DCAF1: variants seen among roughly 807,000 people sequenced by gnomAD.
The protein encoded by DCAF1 is DDB1- and CUL4-associated factor 1.
In DCAF1, 15 loss-of-function variants were observed where a neutral mutation model predicts 128.0. That is an observed-to-expected ratio of 0.12 (90% CI 0.08 to 0.18). The LOEUF (loss-of-function observed/expected upper bound fraction) is 0.18, where lower values mean the gene tolerates loss of function less well. Among genes scored for constraint, DCAF1 ranks in the 10% least tolerant of loss-of-function variants. DCAF1 has a pLI of 1.00. For synonymous variants in DCAF1, 610 were observed against 603.0 expected, an observed-to-expected ratio of 1.01 and a Z score of -0.17; for missense variants, 988 against 1,649.5, an observed-to-expected ratio of 0.60 and a Z score of 6.95.
intron 17 of DCAF1, 54 bp downstream of exon 17, chr3:51,418,062 G>C (rs1215872331): frequency 6.4e-7 from 1 of 1,558,486 alleles, no homozygotes; most frequent in Non-Finnish European, 8.7e-7. Flanking sequence ...AAATGAAGGG[G>C]GGTATAAACT....
At chr3:51,483,226 G>A (rs1424574901) in intron 3 of DCAF1, among the ~76,000 whole-genome samples, 1 of 148,534 alleles carries the variant, frequency 6.7e-6, no homozygotes, top group Non-Finnish European at 1.5e-5. Context: ...ATCACCTAAG[G>A]TAAGGAGTTC....
intron 23 of DCAF1, among the ~76,000 whole-genome samples, chr3:51,411,741 TTC>T (rs1698435179): frequency 6.6e-6 from 1 of 152,256 alleles, no homozygotes; most frequent in Non-Finnish European, 1.5e-5. Flanking sequence ...AAAGTGATTG[TTC>T]TGTTTTTTAT....
intron 6 of DCAF1, among the ~76,000 whole-genome samples, chr3:51,459,448 A>G (rs1453541812): frequency 9.9e-5 from 15 of 152,202 alleles, no homozygotes; most frequent in Non-Finnish European, 1.9e-4. Flanking sequence ...CCAGGACCAG[A>G]TGGATTCACA....
At position 51,441,815 on chromosome 3, in the gene DCAF1, C is replaced by T. The variant is rs782390664; in HGVS notation, c.596G>A (p.Arg199Gln). The part of the protein sequence containing the change: ...LRQENKRPSP[R>Q]KLSSEPLLPL... ...CAAAAGGGGTTCAGAAGAGAGCTTC[C>T]GTGGACTGGGACGCTTGTTTTCCTG... Residue 199 changes from arginine (R) to glutamine (Q), a missense_variant, in exon 8 of 25, where the codon CGG (arginine) becomes CAG (glutamine). Arg to Gln is a conservative substitution (Grantham distance 43, BLOSUM62 1). This residue lies in a region of DCAF1 where 210 missense variants were observed against 260.2 expected (regional missense o/e 0.81). Transcript: ENST00000684031. 6.8e-6 allele frequency: 11 copies of T among 1,613,698 alleles called. No individual in the cohort carries two copies. The highest frequency in any genetic ancestry group is 3.3e-5 in the South Asian group (3 of 91,076).
intron 2 of DCAF1, among the ~76,000 whole-genome samples, chr3:51,490,009 A>G (rs782315197): frequency 2.0e-5 from 3 of 152,216 alleles, no homozygotes; most frequent in Non-Finnish European, 4.4e-5. Flanking sequence ...ACACACAAAA[A>G]TCAGTTGTAC....
chr3:51,426,035 T>C (rs782056072), intron 13 of DCAF1, among the ~76,000 whole-genome samples: 1 of 152,192 alleles, frequency 6.6e-6, no homozygotes, highest in African/African-American at 2.4e-5. Context: ...CACTTTCCTT[T>C]TGCACTCTCA....
At chr3:51,490,511 T>C (rs1479541885) in intron 2 of DCAF1, among the ~76,000 whole-genome samples, 1 of 152,218 alleles carries the variant, frequency 6.6e-6, no homozygotes, top group East Asian at 1.9e-4. Context: ...CATGATGACC[T>C]AAATTTTAAA....
In DCAF1 at chr3:51,441,116, T is replaced by C. The variant is rs1365161277; in HGVS notation, c.1027-45A>G. On this transcript the variant is annotated intron_variant, in intron 8 of 24. Coordinates refer to ENST00000684031, the MANE Select transcript of DCAF1 (RefSeq NM_001387579.1). ...CAAGTCTTAAATTTTGGCTTTATTG[T>C]CATGTATTTCCTATTCCACTCTTTG... 6 of 1,513,420 alleles carry C rather than the reference T, an allele frequency of 4.0e-6. No homozygotes were observed. The African/African-American group carries it at 8.3e-5, about 21-fold the overall frequency. The allele number at this position is 1,513,420 out of a possible 1,614,324, so 93.7% of individuals were successfully genotyped here.
intron 13 of DCAF1, among the ~76,000 whole-genome samples, chr3:51,425,096 A>G (rs1382588400): frequency 6.6e-6 from 1 of 152,216 alleles, no homozygotes; most frequent in Non-Finnish European, 1.5e-5. Flanking sequence ...TCTTTAAAAG[A>G]TTCTGCATAT....
chr3:51,409,470 G>A (rs1698203444), intron 23 of DCAF1, among the ~76,000 whole-genome samples: 1 of 152,068 alleles, frequency 6.6e-6, no homozygotes, highest in South Asian at 2.1e-4. Context: ...GAAGACTGCC[G>A]CCCACTGCCT....
At position 51,461,740 on chromosome 3, in the gene DCAF1, T is replaced by G. The variant is rs528610761; in HGVS notation, c.375+1374A>C. 5.3e-5 allele frequency among the ~76,000 whole-genome samples: 8 copies of G among 152,122 alleles called. No homozygotes were observed. The South Asian group carries it at 1.7e-3, about 32-fold the overall frequency. On this transcript the variant is annotated intron_variant, in intron 6 of 24. Coordinates refer to ENST00000684031, the MANE Select transcript of DCAF1 (RefSeq NM_001387579.1). ...TGGAATACTATGCAGCCATAAAAAA[T>G]GATGAGTTCATGTCCTTTGTAGGGA... is the stretch of plus-strand genomic sequence containing the variant.
intron 6 of DCAF1, among the ~76,000 whole-genome samples, chr3:51,459,158 C>CGCTA (rs1703262288): frequency 6.6e-6 from 1 of 151,794 alleles, no homozygotes; most frequent in African/African-American, 2.4e-5. Context: ...ATTGATAGAC[C>CGCTA]GCTAGCAAGA....
intron 6 of DCAF1, among the ~76,000 whole-genome samples, chr3:51,462,410 C>A (rs1553644880): frequency 6.6e-6 from 1 of 151,800 alleles, no homozygotes; most frequent in African/African-American, 2.4e-5. Context: ...CAGAGCAAGA[C>A]TCAGTCTCAA....
intron 16 of DCAF1, among the ~76,000 whole-genome samples, chr3:51,418,421 T>G (rs1699093735): frequency 6.6e-6 from 1 of 152,192 alleles, no homozygotes; most frequent in Non-Finnish European, 1.5e-5. Context: ...TATTAAATCC[T>G]ACTGAACTAG....
chr3:51,414,767 G>C lies in DCAF1; in HGVS notation c.3694C>G (p.Pro1232Ala), dbSNP rs1553629717. 2 of 1,613,892 alleles carry C rather than the reference G, an allele frequency of 1.2e-6. No individual in the cohort carries two copies. The highest frequency in any genetic ancestry group is 1.1e-5 in the South Asian group (1 of 91,088). ...TCATTTAAGACAAGATCATCTGTAG[G>C]ATTAAAGGTGGCACAGTTCCTCTTG... ...NYKRNCATFN[P>A]TDDLVLNDGV... is the part of the protein sequence containing the mutation. The change falls in exon 19 of 25, where the codon CCT becomes GCT. Residue 1232 changes from proline to alanine, a missense_variant. By Grantham distance (27) the Pro-to-Ala change is conservative. This residue lies in a region of DCAF1 where 61 missense variants were observed against 78.3 expected (regional missense o/e 0.78). Transcript: ENST00000684031.
Position 51,429,438 on chromosome 3 carries a change from A to T in DCAF1, c.1500T>A (p.Asp500Glu). Residue 500 changes from aspartate to glutamate, a missense_variant, in exon 12 of 25, where the codon GAT becomes GAA. Physicochemically the swap from Asp to Glu is conservative, Grantham distance 45. Transcript: ENST00000684031. ...ISTLEILNLEDQGALLSDDEI... is the reference protein window; with the variant it reads ...ISTLEILNLEEQGALLSDDEI... ...CATCATCACTCAGAAGTGCACCCTG[A>T]TCTTCCAAATTTAGAATCTCCAAAG... 1.3e-6 allele frequency: 1 copy of T among 780,934 alleles called. No homozygotes were observed. The highest frequency in any genetic ancestry group is 2.4e-6 in the Non-Finnish European group (1 of 417,994). 48.4% of individuals were successfully genotyped at this position (780,934 alleles called of 1,614,324 possible).
At chr3:51,416,915 ACATATTCCTGCAAC>A (rs1698935543) in intron 17 of DCAF1, 44 bp from the exon 18 acceptor site, 1 of 1,570,554 alleles carries the variant, frequency 6.4e-7, no homozygotes, top group African/African-American at 1.3e-5. Flanking sequence ...GATCTTCAGG[ACATATTCCTGCAAC>A]CAACTGAAAC....
chr3:51,483,644 TG>T, intron 3 of DCAF1, 74 bp downstream of exon 3: 2 of 936,942 alleles, frequency 2.1e-6, no homozygotes, highest in Admixed American at 3.5e-5. Context: ...TGTGTGTGTG[TG>T]TATGAAGAAA....
chr3:51,425,056 G>A (rs1265842758), intron 13 of DCAF1, among the ~76,000 whole-genome samples: 2 of 152,122 alleles, frequency 1.3e-5, no homozygotes, highest in Admixed American at 6.5e-5. Context: ...CAAATATTAC[G>A]TAGTGAATGC....
Sources: allele counts gnomAD v4.1 joint callset (sites outside exome capture counted in the v4.1 genomes callset), GRCh38; gene constraint gnomAD v4.1.1; regional missense constraint gnomAD v4.1.1; transcripts MANE v1.5; gene names NCBI Gene and HGNC (gene_info 2026-07-23, HGNC 2026-07-21).